The following GNPAT variants were observed in gnomAD, a reference collection of about 807,000 sequenced individuals.
GNPAT encodes the protein dihydroxyacetone phosphate acyltransferase.
Under a neutral mutation model 78.4 loss-of-function variants are expected in GNPAT, and 30 were observed. That is an observed-to-expected ratio of 0.38 (90% confidence interval 0.29 to 0.52). The LOEUF (loss-of-function observed/expected upper bound fraction) is 0.52, where lower values mean the gene tolerates loss of function less well. Among genes scored for constraint, GNPAT ranks in the 20% least tolerant of loss-of-function variants. The probability of loss-of-function intolerance (pLI) is 0.84; values close to 1 mark genes in which losing one functional copy is unlikely to be tolerated. For missense variants in GNPAT, 714 were observed against 812.2 expected (o/e 0.88, Z 1.47); for synonymous variants, 271 against 281.1 (o/e 0.96, Z 0.36).
chr1:231,275,324 A>G lies in GNPAT; in HGVS notation c.1843+4A>G, dbSNP rs1685681784. 1 of 1,601,416 alleles carries G rather than the reference A, an allele frequency of 6.2e-7. No individual in the cohort carries two copies. Among genetic ancestry groups the G allele is most frequent in the Non-Finnish European group, 8.6e-7 (1 of 1,168,440 alleles). On this transcript the variant is annotated splice_donor_region_variant and intron_variant, in intron 13 of 15. Transcript: ENST00000366647. ...ACAAGTCAGCTTCTCGATCAAGGTC[A>G]GTCACTGCTCTGTGGGTGCTGATTT... is the stretch of plus-strand genomic sequence containing the variant.
chr1:231,254,519 G>A (rs11122261), intron 2 of GNPAT, among the ~76,000 whole-genome samples: 4,708 of 151,666 alleles, frequency 0.031, 153 homozygotes, highest in African/African-American at 0.081. Flanking sequence ...TCGGCTCACT[G>A]CAAGCTCTGC....
chr1:231,266,396 C>T lies in GNPAT; in HGVS notation c.1044C>T (p.Asn348=), dbSNP rs760847656. Residue 348 remains asparagine, a synonymous_variant, in exon 8 of 16, where the codon AAC becomes AAT. Transcript: ENST00000366647. Reference sequence around the variant, plus strand: ...GGAGGATGAGTCGGAGCTCATATAACTTGGTTCCAAGGTGTGACCTGTGTT... The same window carrying T: ...GGAGGATGAGTCGGAGCTCATATAATTTGGTTCCAAGGTGTGACCTGTGTT... ...AAGRMSRSSY[N]LVPRYIPQKQ... is the part of the protein sequence containing the mutation. 1.2e-6 allele frequency: 2 copies of T among 1,613,794 alleles called. No homozygotes were observed. Among genetic ancestry groups the T allele is most frequent in the African/African-American group, 1.3e-5 (1 of 74,926 alleles).
Position 231,254,937 on chromosome 1 carries a change from G to C in GNPAT, c.261+3794G>C, listed in dbSNP as rs530435982. On this transcript the variant is annotated intron_variant, in intron 2 of 15. Coordinates refer to ENST00000366647, the MANE Select transcript of GNPAT (RefSeq NM_014236.4). ...TGGCTAATTTTTTGTATTTTCAGTA[G>C]AGATGGGGTCTCACCATGGTGACCA... Among the ~76,000 whole-genome samples the C allele has an allele frequency of 2.6e-5, 4 of 152,010 alleles. No homozygotes were observed. In the South Asian group the frequency reaches 8.3e-4, roughly 32 times the overall value.
In GNPAT at chr1:231,265,797, T is replaced by C; in HGVS notation, c.772+10T>C. 2 of 1,538,590 alleles carry C rather than the reference T, an allele frequency of 1.3e-6. No homozygotes were observed. Among genetic ancestry groups the C allele is most frequent in the Non-Finnish European group, 1.8e-6 (2 of 1,111,098 alleles). Reference sequence around the variant, plus strand: ...TTGACTCCTAAATTTGGTAGGTCACTACAGATTAAAAGGAAAAATACAAAC... The same window carrying C: ...TTGACTCCTAAATTTGGTAGGTCACCACAGATTAAAAGGAAAAATACAAAC... On this transcript the variant is annotated intron_variant, in intron 6 of 15. Transcript: ENST00000366647.
At chr1:231,268,854 C>T (rs1438840856) in intron 9 of GNPAT, among the ~76,000 whole-genome samples, 1 of 146,512 alleles carries the variant, frequency 6.8e-6, no homozygotes, top group Non-Finnish European at 1.5e-5. Context: ...TGCAGTGAGC[C>T]AAGATTGCGC....
intron 1 of GNPAT, among the ~76,000 whole-genome samples, chr1:231,247,569 T>G (rs139524212): frequency 6.5e-4 from 99 of 152,304 alleles, no homozygotes; most frequent in African/African-American, 2.3e-3. Flanking sequence ...GCTAAATATT[T>G]CCCAGGTGAA....
intron 10 of GNPAT, among the ~76,000 whole-genome samples, chr1:231,271,977 G>A (rs1685581275): frequency 6.6e-6 from 1 of 152,200 alleles, no homozygotes; most frequent in African/African-American, 2.4e-5. Context: ...GCGAGTGCCT[G>A]TAATCCCAGC....
intron 2 of GNPAT, among the ~76,000 whole-genome samples, chr1:231,257,657 C>T (rs1419254045): frequency 6.6e-6 from 1 of 152,168 alleles, no homozygotes; most frequent in Non-Finnish European, 1.5e-5. Context: ...CTGCTGTCTC[C>T]CTGGTCCATT....
chr1:231,268,547 G>C (rs1348055477), intron 9 of GNPAT, among the ~76,000 whole-genome samples: 1 of 151,438 alleles, frequency 6.6e-6, no homozygotes, highest in Non-Finnish European at 1.5e-5. Context: ...GGCTGAGGTG[G>C]GAGGATCACT....
chr1:231,266,527 G>C (rs1488919254), intron 8 of GNPAT, 120 bp downstream of exon 8: 2 of 858,590 alleles, frequency 2.3e-6, no homozygotes, highest in Non-Finnish European at 1.9e-6. Flanking sequence ...AAAATGATCA[G>C]AAATGCTGTT....
At chr1:231,248,908 C>T (rs1202903121) in intron 1 of GNPAT, among the ~76,000 whole-genome samples, 3 of 152,182 alleles carry the variant, frequency 2.0e-5, no homozygotes, top group African/African-American at 7.2e-5. Flanking sequence ...ATGTAGTAGG[C>T]TATACCATCT....
chr1:231,244,042 G>A (rs920606989), intron 1 of GNPAT, among the ~76,000 whole-genome samples: 3 of 152,070 alleles, frequency 2.0e-5, no homozygotes, highest in African/African-American at 7.3e-5. Flanking sequence ...CCAAGTAGCT[G>A]GGATTACAGT....
intron 1 of GNPAT, 49 bp from the exon 2 acceptor site, chr1:231,250,912 C>A: frequency 1.7e-6 from 2 of 1,194,578 alleles, no homozygotes; most frequent in Non-Finnish European, 2.5e-6. Flanking sequence ...TTAATCTGTC[C>A]TGATTTATTT....
chr1:231,270,628 T>C, intron 9 of GNPAT, 130 bp from the exon 10 acceptor site: 2 of 874,036 alleles, frequency 2.3e-6, no homozygotes, highest in Non-Finnish European at 3.9e-6. Flanking sequence ...TTACCGTAAT[T>C]GGTAGACAGT....
chr1:231,243,991 C>A (rs939344509), intron 1 of GNPAT, among the ~76,000 whole-genome samples: 3 of 152,124 alleles, frequency 2.0e-5, no homozygotes, highest in Admixed American at 1.3e-4. Context: ...TCACTGCAAC[C>A]TCCACCTCCA....
intron 2 of GNPAT, among the ~76,000 whole-genome samples, chr1:231,257,977 T>A (rs1685111832): frequency 6.6e-6 from 1 of 152,166 alleles, no homozygotes; most frequent in East Asian, 1.9e-4. Flanking sequence ...CTTTAGCACC[T>A]GTCATTACCC....
chr1:231,274,632 G>A (rs1386052805), intron 12 of GNPAT, among the ~76,000 whole-genome samples: 2 of 152,134 alleles, frequency 1.3e-5, no homozygotes, highest in Non-Finnish European at 2.9e-5. Context: ...CTGTAGGAAG[G>A]ACTTCCACAT....
At chr1:231,247,607 C>T (rs951468299) in intron 1 of GNPAT, among the ~76,000 whole-genome samples, 6 of 152,100 alleles carry the variant, frequency 3.9e-5, no homozygotes, top group African/African-American at 1.2e-4. Flanking sequence ...TTGTAAATGC[C>T]CCTCTCAATA....
intron 2 of GNPAT, among the ~76,000 whole-genome samples, chr1:231,253,200 AC>A (rs1477830263): frequency 6.6e-6 from 1 of 151,660 alleles, no homozygotes; most frequent in Non-Finnish European, 1.5e-5. Context: ...CGATCTCCTG[AC>A]CTTGTGATCT....
Sources: gnomAD v4.1 joint callset for allele counts (sites outside exome capture counted in the v4.1 genomes callset) on GRCh38, gnomAD v4.1.1 for gene constraint, MANE v1.5 for transcripts, NCBI Gene and HGNC (gene_info 2026-07-23, HGNC 2026-07-21) for gene names.